DST: variants seen among roughly 807,000 people sequenced by gnomAD.
DST encodes bullous pemphigoid antigen.
In DST, 253 loss-of-function variants were observed where a neutral mutation model predicts 875.2. The observed-to-expected ratio is 0.29, with a 90% CI of 0.26 to 0.32. The LOEUF is 0.32. Ranked by LOEUF, DST falls within the 10% of genes least tolerant of loss-of-function variation. The probability of loss-of-function intolerance (pLI) is 1.00; values close to 1 mark genes in which losing one functional copy is unlikely to be tolerated. For synonymous variants in DST, 3,124 were observed against 3,197.1 expected (o/e 0.98, Z 0.77); for missense variants, 8,287 against 9,111.6 (o/e 0.91, Z 3.68).
At chr6:56,546,012 A>T (rs183751025) in intron 61 of DST, among the ~76,000 whole-genome samples, 1 of 152,310 alleles carries the variant, frequency 6.6e-6, no homozygotes, top group African/African-American at 2.4e-5. Flanking sequence ...GTTTCCAAAG[A>T]TATGAATATG....
intron 103 of DST, 37 bp from the exon 104 acceptor site, chr6:56,459,304 T>C (rs763576122): frequency 5.6e-5 from 89 of 1,584,302 alleles, no homozygotes; most frequent in Non-Finnish European, 7.3e-5. Flanking sequence ...ACCCTTATTA[T>C]TGGGTCCATC....
In DST at chr6:56,674,302, C is replaced by CTT. The variant is rs754314470; in HGVS notation, c.1048-3497_1048-3496dup. On this transcript the variant is annotated intron_variant, in intron 9 of 103. Transcript: ENST00000680361. ...TAATCTCCTAAAATCCATTTTCTTT[C>CTT]TTTTTTTTTTTTTAAGACGGAGTCT... 8.9e-5 allele frequency among the ~76,000 whole-genome samples: 13 copies of CTT among 145,608 alleles called. 1 individual carries two copies. The highest frequency in any genetic ancestry group is 3.2e-4 in the African/African-American group (13 of 40,044).
At position 56,607,889 on chromosome 6, in the gene DST, T is replaced by C; in HGVS notation, c.6739A>G (p.Ile2247Val). ...CTTAAGACATCGAGACATTCTTTTA[T>C]GGCTGTGTTTCCATCAAATTCTGCA... ...CHAEFDGNTAIKECLDVLSSS... is the reference protein window; with the variant it reads ...CHAEFDGNTAVKECLDVLSSS... Residue 2247 changes from isoleucine (I) to valine (V), a missense_variant, in exon 40 of 104, where the codon ATA becomes GTA. Around this residue, in one of 10 missense-constraint regions of DST, gnomAD observed 3,138 missense variants for 3,116.6 expected, o/e 1.01. Coordinates refer to ENST00000680361, the MANE Select transcript of DST (RefSeq NM_001374736.1). 3 of 1,613,726 alleles carry C rather than the reference T, an allele frequency of 1.9e-6. No homozygotes were observed. The highest frequency in any genetic ancestry group is 1.7e-6 in the Non-Finnish European group (2 of 1,179,730).
chr6:56,489,679 T>A, intron 85 of DST, 70 bp from the exon 86 acceptor site: 1 of 1,422,288 alleles, frequency 7.0e-7, no homozygotes, highest in South Asian at 1.4e-5. Flanking sequence ...AGCACAGTTT[T>A]AAGACAGAGA....
chr6:56,570,247 G>A (rs1690599219), intron 53 of DST, among the ~76,000 whole-genome samples: 1 of 152,050 alleles, frequency 6.6e-6, no homozygotes, highest in South Asian at 2.1e-4. Context: ...AGGGAGGGGG[G>A]ATGGTTTTGG....
At chr6:56,669,663 A>T (rs1384499786) in intron 10 of DST, among the ~76,000 whole-genome samples, 3 of 151,992 alleles carry the variant, frequency 2.0e-5, no homozygotes, top group Non-Finnish European at 4.4e-5. Flanking sequence ...TTAGCTTCTT[A>T]TAAGGCAATA....
In DST at chr6:56,607,502, C is replaced by T. The variant is rs536222841; in HGVS notation, c.7126G>A (p.Glu2376Lys). The T allele has an allele frequency of 3.5e-5, 56 of 1,597,946 alleles. No individual in the cohort carries two copies. The African/African-American group carries it at 6.3e-4, about 18-fold the overall frequency. Residue 2376 changes from glutamate (E) to lysine (K), a missense_variant, in exon 40 of 104, where the codon GAA (glutamate) becomes AAA (lysine). Coordinates refer to ENST00000680361, the MANE Select transcript of DST (RefSeq NM_001374736.1). ...LTNYENQSRV[E>K]TNERANECSH... ...CATTCATTTGCACGTTCATTTGTTT[C>T]CACTCGGCTTTGATTTTCATAGTTT... is the stretch of plus-strand genomic sequence containing the variant.
At chr6:56,949,989 A>G (rs1363581728) in intron 2 of DST, among the ~76,000 whole-genome samples, 2 of 152,212 alleles carry the variant, frequency 1.3e-5, no homozygotes, top group African/African-American at 4.8e-5. Flanking sequence ...GAAAAAAACT[A>G]AAGGATTTGC....
intron 67 of DST, among the ~76,000 whole-genome samples, 161 bp from the exon 68 acceptor site, chr6:56,527,895 C>A (rs1358199402): frequency 2.6e-5 from 4 of 152,180 alleles, no homozygotes. Context: ...AAATTTTAAT[C>A]TTTCCCAAGA....
chr6:56,828,347 A>C (rs1246120904), intron 4 of DST, among the ~76,000 whole-genome samples: 1 of 152,246 alleles, frequency 6.6e-6, no homozygotes, highest in Non-Finnish European at 1.5e-5. Context: ...TTAAAGCCCC[A>C]GAACACTGAT....
In DST at chr6:56,870,347, A is replaced by T. The variant is rs192153140; in HGVS notation, c.418-18743T>A. ...CAATGATCGGGATATAAACCCAGGC[A>T]CTCGAGCCAGCAAAGGCAACCCCCT... On this transcript the variant is annotated intron_variant, in intron 3 of 103. Coordinates refer to ENST00000680361, the MANE Select transcript of DST (RefSeq NM_001374736.1). 7.4e-3 allele frequency among the ~76,000 whole-genome samples: 1,103 copies of T among 148,070 alleles called. 4 individuals carry two copies. Among genetic ancestry groups the T allele is most frequent in the Non-Finnish European group, 0.012 (782 of 67,578 alleles).
chr6:56,489,688 G>A, intron 85 of DST, 79 bp from the exon 86 acceptor site: 1 of 1,235,676 alleles, frequency 8.1e-7, no homozygotes, highest in Non-Finnish European at 1.1e-6. Context: ...TTAAGACAGA[G>A]ATTAATAGTG....
chr6:56,832,294 C>T (rs1011216928), intron 4 of DST, among the ~76,000 whole-genome samples: 12 of 152,128 alleles, frequency 7.9e-5, no homozygotes, highest in African/African-American at 2.9e-4. Flanking sequence ...ATCATGGGGG[C>T]AAGTCTTTTC....
At chr6:56,545,717 T>C (rs1217783540) in intron 61 of DST, among the ~76,000 whole-genome samples, 1 of 152,172 alleles carries the variant, frequency 6.6e-6, no homozygotes, top group Admixed American at 6.5e-5. Context: ...ATGGAGGTTT[T>C]AGGGTTGAAG....
At chr6:56,567,429 TAA>T (rs61119609) in intron 55 of DST, among the ~76,000 whole-genome samples, 30 of 104,804 alleles carry the variant, frequency 2.9e-4, no homozygotes, top group Non-Finnish European at 3.7e-4. Flanking sequence ...TTACCAAGAG[TAA>T]AAAAAAAAAA....
In DST at chr6:56,606,181, C is replaced by CCTT. The variant is rs1327757306; in HGVS notation, c.8444_8446dup (p.Glu2815dup). Reference sequence around the variant, plus strand: ...TCCATTCTCATCTCTTATACCTCCTCCTTCTTCATCAATGCCATCATCATC... The same window carrying CCTT: ...TCCATTCTCATCTCTTATACCTCCTCCTTCTTCTTCATCAATGCCATCATCATC... On this transcript the variant is annotated inframe_insertion, in exon 40 of 104. Transcript: ENST00000680361. 6.3e-7 allele frequency: 1 copy of CCTT among 1,590,814 alleles called. No individual in the cohort carries two copies.
chr6:56,864,953 A>T (rs1773203254), intron 3 of DST, among the ~76,000 whole-genome samples: 1 of 152,176 alleles, frequency 6.6e-6, no homozygotes, highest in Non-Finnish European at 1.5e-5. Flanking sequence ...CTACCCATGG[A>T]TGAAAAATAT....
intron 3 of DST, among the ~76,000 whole-genome samples, chr6:56,857,139 G>C (rs1768309283): frequency 6.6e-6 from 1 of 151,948 alleles, no homozygotes; most frequent in Non-Finnish European, 1.5e-5. Flanking sequence ...AACCTCTCGA[G>C]TAGCTGGGTC....
intron 2 of DST, among the ~76,000 whole-genome samples, chr6:56,924,868 T>A (rs1806201247): frequency 1.3e-5 from 2 of 152,172 alleles, no homozygotes; most frequent in African/African-American, 4.8e-5. Flanking sequence ...CTATGTTGTG[T>A]CCCCTAAAAT....
Sources: gnomAD v4.1 joint callset for allele counts (sites outside exome capture counted in the v4.1 genomes callset) on GRCh38, gnomAD v4.1.1 for gene constraint, gnomAD v4.1.1 regional missense constraint, MANE v1.5 for transcripts, NCBI Gene and HGNC (gene_info 2026-07-23, HGNC 2026-07-21) for gene names.